The following ILRUN variants were observed in gnomAD, a reference collection of about 807,000 sequenced individuals.
The protein encoded by ILRUN is inflammation and lipid regulator with UBA-like and NBR1-like domains.
Under a neutral mutation model 33.8 loss-of-function variants are expected in ILRUN, and 3 were observed. The observed-to-expected ratio is 0.09, with a 90% CI of 0.04 to 0.23. The LOEUF is 0.23. Ranked by LOEUF, ILRUN falls within the 10% of genes least tolerant of loss-of-function variation. ILRUN has a pLI of 1.00. For missense variants in ILRUN, 210 were observed against 375.1 expected (o/e 0.56, Z 3.64); for synonymous variants, 124 against 138.9 (o/e 0.89, Z 0.75).
At chr6:34,656,235 CA>C (rs562655955) in intron 1 of ILRUN, among the ~76,000 whole-genome samples, 12,236 of 61,848 alleles carry the variant, frequency 0.2, 473 homozygotes, top group East Asian at 0.41. Context: ...GACTCCGTCT[CA>C]AAAAAAAAAA....
At chr6:34,607,966 G>A (rs1182322815) in intron 3 of ILRUN, among the ~76,000 whole-genome samples, 3 of 152,052 alleles carry the variant, frequency 2.0e-5, no homozygotes, top group Non-Finnish European at 4.4e-5. Context: ...GGTGGTGCTC[G>A]CCTGTAGTCC....
chr6:34,612,314 C>T (rs1418487039), intron 3 of ILRUN, among the ~76,000 whole-genome samples: 2 of 152,080 alleles, frequency 1.3e-5, no homozygotes, highest in African/African-American at 4.8e-5. Flanking sequence ...GCTTGTAGAC[C>T]CAGCTACTTG....
At chr6:34,680,081 A>G (rs906165011) in intron 1 of ILRUN, among the ~76,000 whole-genome samples, 1 of 152,270 alleles carries the variant, frequency 6.6e-6, no homozygotes, top group Non-Finnish European at 1.5e-5. Flanking sequence ...AACTTATACA[A>G]TGTGTGAAAC....
intron 4 of ILRUN, among the ~76,000 whole-genome samples, chr6:34,599,696 A>G (rs1561996202): frequency 1.3e-5 from 2 of 152,166 alleles, no homozygotes; most frequent in Admixed American, 1.3e-4. Context: ...TCTCAAATTT[A>G]TATCTCCACC....
In ILRUN at chr6:34,678,041, C is replaced by G. The variant is rs994896065; in HGVS notation, c.158+18405G>C. ...ACATATTTAATATTACCTAATTTCA[C>G]ATTTTTAATTTTATTTTTTGAGATG... is the stretch of plus-strand genomic sequence containing the variant. On this transcript the variant is annotated intron_variant, in intron 1 of 4. Coordinates refer to ENST00000374023, the MANE Select transcript of ILRUN (RefSeq NM_024294.4). 4.6e-5 allele frequency among the ~76,000 whole-genome samples: 7 copies of G among 151,354 alleles called. 1 individual carries two copies. Among genetic ancestry groups the G allele is most frequent in the Admixed American group, 3.9e-4 (6 of 15,190 alleles).
Position 34,643,319 on chromosome 6 carries a change from G to C in ILRUN, c.511+3282C>G, listed in dbSNP as rs541788244. On this transcript the variant is annotated intron_variant, in intron 3 of 4. Coordinates refer to ENST00000374023, the MANE Select transcript of ILRUN (RefSeq NM_024294.4). ...CATCTCAAAAAAAAAAAAAAAGTGC[G>C]TGTGTGTGTGTGTGTTAGTTTTAAG... Among the ~76,000 whole-genome samples the C allele has an allele frequency of 6.4e-5, 9 of 140,222 alleles. No homozygotes were observed. In the South Asian group the frequency reaches 6.7e-4, roughly 10 times the overall value. 92.0% of individuals were successfully genotyped at this position (140,222 alleles called of 152,430 possible).
intron 3 of ILRUN, among the ~76,000 whole-genome samples, chr6:34,624,768 A>C (rs1762081162): frequency 6.6e-6 from 1 of 152,240 alleles, no homozygotes; most frequent in African/African-American, 2.4e-5. Flanking sequence ...AATAAGATAT[A>C]CGCCTCATTG....
chr6:34,608,467 C>T (rs1317056139), intron 3 of ILRUN, among the ~76,000 whole-genome samples: 1 of 152,044 alleles, frequency 6.6e-6, no homozygotes, highest in Non-Finnish European at 1.5e-5. Flanking sequence ...GATGTACCTG[C>T]CTAGGGAACT....
intron 1 of ILRUN, among the ~76,000 whole-genome samples, chr6:34,682,785 C>A (rs1214023970): frequency 6.6e-6 from 1 of 152,030 alleles, no homozygotes; most frequent in South Asian, 2.1e-4. Flanking sequence ...ATTGTTAATT[C>A]TTTAAAATAT....
At chr6:34,616,583 C>G (rs1032942840) in intron 3 of ILRUN, 45 of 1,562,502 alleles carry the variant, frequency 2.9e-5, no homozygotes, top group Non-Finnish European at 3.9e-5. Context: ...GCCAGAAACC[C>G]TTAAGAAAAA....
At chr6:34,616,452 G>T (rs1167579543) in intron 3 of ILRUN, 2 of 623,428 alleles carry the variant, frequency 3.2e-6, no homozygotes, top group African/African-American at 3.7e-5. Flanking sequence ...TCTAGCTTCA[G>T]TGAGAAAGGC....
chr6:34,643,515 T>C (rs1762512650), intron 3 of ILRUN, among the ~76,000 whole-genome samples: 1 of 152,122 alleles, frequency 6.6e-6, no homozygotes, highest in South Asian at 2.1e-4. Flanking sequence ...TTTCCTAGTC[T>C]TAAAAATCTT....
chr6:34,607,757 T>C (rs1761664629), intron 3 of ILRUN, among the ~76,000 whole-genome samples: 1 of 152,210 alleles, frequency 6.6e-6, no homozygotes, highest in South Asian at 2.1e-4. Context: ...CTTTATTGAA[T>C]ACTGTAGGCA....
chr6:34,609,474 AGT>A (rs901604885), intron 3 of ILRUN, among the ~76,000 whole-genome samples: 14 of 152,104 alleles, frequency 9.2e-5, no homozygotes, highest in African/African-American at 3.4e-4. Flanking sequence ...TGGATGACAG[AGT>A]AAGAGCCTAT....
Position 34,592,513 on chromosome 6 carries a change from TA to T in ILRUN, c.862-1914del, listed in dbSNP as rs11323638. On this transcript the variant is annotated intron_variant, in intron 4 of 4. Transcript: ENST00000374023. This position sits in a 1 kb window ranked among gnomAD's most constrained non-coding sequence, Gnocchi z 4.0. ...TCAGATTCCATTTTGCAAGTCCTGG[TA>T]GGGGGGGTCCCATACATCAGAGGTA... Among the ~76,000 whole-genome samples the T allele has an allele frequency of 6.5e-3, 995 of 152,356 alleles. 12 individuals carry two copies. The highest frequency in any genetic ancestry group is 0.02 in the African/African-American group (850 of 41,576).
Position 34,630,843 on chromosome 6 carries a change from C to G in ILRUN, c.511+15758G>C, listed in dbSNP as rs575752655. The stretch of plus-strand genomic sequence containing the variant: ...TCTATTTTTATTCAGCCTTTTCTCT[C>G]TTTTTCAGTTTTGGAATTTCTACTG... On this transcript the variant is annotated intron_variant, in intron 3 of 4. Coordinates refer to ENST00000374023, the MANE Select transcript of ILRUN (RefSeq NM_024294.4). Among the ~76,000 whole-genome samples the G allele has an allele frequency of 9.9e-5, 15 of 151,742 alleles. No individual in the cohort carries two copies. In the East Asian group the frequency reaches 2.9e-3, roughly 29 times the overall value.
At chr6:34,615,365 G>A (rs1486298832) in intron 3 of ILRUN, among the ~76,000 whole-genome samples, 2 of 152,170 alleles carry the variant, frequency 1.3e-5, no homozygotes, top group African/African-American at 4.8e-5. Context: ...GGAGGCTGAG[G>A]TGGGTGGATC....
intron 4 of ILRUN, among the ~76,000 whole-genome samples, chr6:34,601,709 C>CCG (rs1554182770): frequency 1.1e-4 from 16 of 151,752 alleles, no homozygotes; most frequent in Middle Eastern, 3.2e-3. Flanking sequence ...GTACCCGCCC[C>CCG]CCCAACTACT....
At chr6:34,627,898 T>C (rs1762171733) in intron 3 of ILRUN, among the ~76,000 whole-genome samples, 1 of 151,996 alleles carries the variant, frequency 6.6e-6, no homozygotes, top group Admixed American at 6.6e-5. Flanking sequence ...GAGACAGGGT[T>C]TCGCCATGTC....
Sources: gnomAD v4.1 joint callset for allele counts (sites outside exome capture counted in the v4.1 genomes callset) on GRCh38, gnomAD v4.1.1 for gene constraint, Gnocchi (gnomAD v3.1) non-coding constraint, MANE v1.5 for transcripts, NCBI Gene and HGNC (gene_info 2026-07-23, HGNC 2026-07-21) for gene names.